Variants in GLRA3 observed in about 807,000 individuals in gnomAD.
The protein encoded by GLRA3 is glycine receptor subunit alpha-3.
In GLRA3, 44 loss-of-function variants were observed where a neutral mutation model predicts 60.4. The ratio of observed to expected loss-of-function variants is 0.73; its 90% CI spans 0.57 to 0.94. The LOEUF (loss-of-function observed/expected upper bound fraction) is 0.94. Among genes scored for constraint, GLRA3 ranks in the 40% least tolerant of loss-of-function variants. GLRA3 has a pLI of 0.00. For missense variants in GLRA3, 508 were observed against 564.6 expected (o/e 0.90, Z 1.02); for synonymous variants, 223 against 192.9 (o/e 1.16, Z -1.29).
chr4:174,770,185 A>T (rs1738322103), intron 2 of GLRA3, among the ~76,000 whole-genome samples: 1 of 152,120 alleles, frequency 6.6e-6, no homozygotes, highest in Admixed American at 6.6e-5. Flanking sequence ...AAAATTATTT[A>T]AAAATAAAGT....
chr4:174,785,936 G>GTTTTTTT (rs752488665), intron 2 of GLRA3, among the ~76,000 whole-genome samples: 1 of 103,472 alleles, frequency 9.7e-6, no homozygotes, highest in African/African-American at 3.7e-5. Flanking sequence ...TGCCTGGCTA[G>GTTTTTTT]TTTTTTTTTT....
intron 5 of GLRA3, among the ~76,000 whole-genome samples, chr4:174,714,523 A>G (rs899018923): frequency 2.0e-5 from 3 of 152,186 alleles, no homozygotes; most frequent in Non-Finnish European, 4.4e-5. Context: ...TGATATTTCC[A>G]CTTCTTAAGA....
intron 9 of GLRA3, among the ~76,000 whole-genome samples, chr4:174,649,837 A>T (rs1239842414): frequency 7.4e-5 from 11 of 148,150 alleles, no homozygotes; most frequent in African/African-American, 2.8e-4. Flanking sequence ...TCTCATTGGT[A>T]AAAAAAAAAG....
chr4:174,773,762 T>C (rs1479157987), intron 2 of GLRA3, among the ~76,000 whole-genome samples: 2 of 152,188 alleles, frequency 1.3e-5, no homozygotes, highest in African/African-American at 4.8e-5. Context: ...CAGAATCCTG[T>C]TTGTTCTTCC....
chr4:174,736,216 T>A (rs1736779991), intron 3 of GLRA3, among the ~76,000 whole-genome samples: 1 of 152,104 alleles, frequency 6.6e-6, no homozygotes, highest in Non-Finnish European at 1.5e-5. Flanking sequence ...TTAATGTGTG[T>A]TTTTAAAATT....
intron 9 of GLRA3, among the ~76,000 whole-genome samples, chr4:174,645,180 G>A (rs1305488066): frequency 6.6e-6 from 1 of 152,112 alleles, no homozygotes; most frequent in African/African-American, 2.4e-5. Flanking sequence ...TTGGGAGGCT[G>A]AGGCAGGTGG....
Position 174,670,803 on chromosome 4 carries a change from G to T in GLRA3, c.927+6275C>A, listed in dbSNP as rs182929914. Among the ~76,000 whole-genome samples, 140 of 152,062 alleles carry T rather than the reference G, an allele frequency of 9.2e-4. 1 individual carries two copies. Among genetic ancestry groups the T allele is most frequent in the African/African-American group, 3.2e-3 (134 of 41,504 alleles). On this transcript the variant is annotated intron_variant, in intron 7 of 9. Coordinates refer to ENST00000274093, the MANE Select transcript of GLRA3 (RefSeq NM_006529.4). ...AAATCTAGTAAGTCTAGTAAAGGAG[G>T]TCCTAAGATGAAATGTAGAACTAGA...
At chr4:174,820,345 A>T (rs191487299) in intron 1 of GLRA3, among the ~76,000 whole-genome samples, 158 of 152,318 alleles carry the variant, frequency 1.0e-3, no homozygotes, top group African/African-American at 3.2e-3. Context: ...GGAGTTATTT[A>T]TCTGAAATTG....
intron 2 of GLRA3, among the ~76,000 whole-genome samples, chr4:174,782,373 G>C (rs376234769): frequency 1.3e-4 from 20 of 151,768 alleles, no homozygotes; most frequent in East Asian, 2.0e-4. Context: ...ACTGAATGGG[G>C]AAAAACTGGA....
chr4:174,695,258 A>G (rs1212865329), intron 5 of GLRA3, among the ~76,000 whole-genome samples: 1 of 152,032 alleles, frequency 6.6e-6, no homozygotes, highest in Admixed American at 6.6e-5. Context: ...AATCATCTTG[A>G]TACTAAAACC....
At chr4:174,714,235 G>A (rs1243597513) in intron 5 of GLRA3, among the ~76,000 whole-genome samples, 1 of 152,082 alleles carries the variant, frequency 6.6e-6, no homozygotes, top group Non-Finnish European at 1.5e-5. Context: ...GTGCCACTTA[G>A]AGGGTCCCGC....
chr4:174,673,750 T>C (rs1733997389), intron 7 of GLRA3, among the ~76,000 whole-genome samples: 1 of 152,186 alleles, frequency 6.6e-6, no homozygotes, highest in Non-Finnish European at 1.5e-5. Flanking sequence ...GTCAGAACTT[T>C]GGAAGTTCTT....
intron 1 of GLRA3, 45 bp from the exon 2 acceptor site, chr4:174,788,988 T>C: frequency 7.6e-7 from 1 of 1,307,318 alleles, no homozygotes. Flanking sequence ...AAGAAGTATT[T>C]CTAATAATTG....
At chr4:174,816,796 G>A (rs1740520427) in intron 1 of GLRA3, among the ~76,000 whole-genome samples, 1 of 150,486 alleles carries the variant, frequency 6.6e-6, no homozygotes, top group Admixed American at 6.6e-5. Flanking sequence ...TTTTTAATTT[G>A]TGTTCCCAAA....
chr4:174,726,254 T>A (rs2087010), intron 4 of GLRA3, among the ~76,000 whole-genome samples: 129,510 of 152,246 alleles, frequency 0.85, 55,103 homozygotes, highest in Middle Eastern at 0.88. Flanking sequence ...TCTTCCTGGC[T>A]CTGTGAGGTA....
chr4:174,669,676 A>C (rs1733831340), intron 7 of GLRA3, among the ~76,000 whole-genome samples: 1 of 152,140 alleles, frequency 6.6e-6, no homozygotes, highest in Non-Finnish European at 1.5e-5. Flanking sequence ...CCTGGGCTCA[A>C]GCAATTCTCC....
intron 9 of GLRA3, among the ~76,000 whole-genome samples, chr4:174,650,142 A>T (rs1045398169): frequency 2.0e-5 from 3 of 152,162 alleles, no homozygotes; most frequent in African/African-American, 4.8e-5. Flanking sequence ...TTGTCTGAGG[A>T]CATTAGCTAC....
At chr4:174,812,866 T>C (rs1258547993) in intron 1 of GLRA3, among the ~76,000 whole-genome samples, 2 of 152,138 alleles carry the variant, frequency 1.3e-5, no homozygotes, top group East Asian at 3.8e-4. Flanking sequence ...CTTCTATCTA[T>C]ATGCCTAAAC....
intron 5 of GLRA3, among the ~76,000 whole-genome samples, chr4:174,683,640 C>T (rs566656191): frequency 1.2e-4 from 18 of 152,234 alleles, no homozygotes; most frequent in Admixed American, 2.0e-4. Context: ...TCAGCCACCG[C>T]GCCCAGACAG....
Sources: gnomAD v4.1 joint callset for allele counts (sites outside exome capture counted in the v4.1 genomes callset) on GRCh38, gnomAD v4.1.1 for gene constraint, MANE v1.5 for transcripts, NCBI Gene and HGNC (gene_info 2026-07-23, HGNC 2026-07-21) for gene names.